MYG1: variants seen among roughly 807,000 people sequenced by gnomAD.
The protein encoded by MYG1 is UPF0160 protein MYG1, mitochondrial.
In MYG1, 36 loss-of-function variants were observed where a neutral mutation model predicts 43.5. That is an observed-to-expected ratio of 0.83 (90% CI 0.63 to 1.09). The LOEUF is 1.09. Among genes scored for constraint, MYG1 ranks in the 50% least tolerant of loss-of-function variants. The probability of loss-of-function intolerance (pLI) is 0.00; values close to 1 mark genes in which losing one functional copy is unlikely to be tolerated. For missense variants in MYG1, 529 were observed against 495.1 expected, an observed-to-expected ratio of 1.07 and a Z score of -0.65; for synonymous variants, 220 against 202.8, an observed-to-expected ratio of 1.08 and a Z score of -0.72.
Position 53,300,271 on chromosome 12 carries a change from T to C in MYG1, c.329+9T>C, listed in dbSNP as rs769116991. On this transcript the variant is annotated intron_variant, in intron 2 of 6. Transcript: ENST00000267103. ...TATGACCATCACCAGAGGTAGGTTC[T>C]CAGATACCATTTATTTAACTTCCTT... 1.3e-6 allele frequency: 2 copies of C among 1,537,572 alleles called. No homozygotes were observed. Among genetic ancestry groups the C allele is most frequent in the Non-Finnish European group, 1.8e-6 (2 of 1,137,100 alleles).
At position 53,303,054 on chromosome 12, in the gene MYG1, G is replaced by T; in HGVS notation, c.350G>T (p.Ser117Ile). 5.6e-6 allele frequency: 9 copies of T among 1,612,954 alleles called. No homozygotes were observed. Among genetic ancestry groups the T allele is most frequent in the South Asian group, 2.2e-5 (2 of 90,996 alleles). The part of the protein sequence containing the change: ...HHQRSFTETM[S>I]SLSPGKPWQT... ...CTCAGGTCTTTCACAGAGACCATGA[G>T]CTCCCTGTCCCCTGGGAAGCCGTGG... The change falls in exon 3 of 7, where the codon AGC becomes ATC. Residue 117 changes from serine (S) to isoleucine (I), a missense_variant. By Grantham distance (142) the Ser-to-Ile change is moderately radical. Transcript: ENST00000267103.
intron 6 of MYG1, 40 bp downstream of exon 6, chr12:53,306,901 G>T (rs1944289404): frequency 2.5e-6 from 4 of 1,606,900 alleles, no homozygotes; most frequent in African/African-American, 1.3e-5. Flanking sequence ...CTTCAGGCTT[G>T]TCTCAGCCTT....
chr12:53,300,360 G>T, intron 2 of MYG1, 98 bp downstream of exon 2: 1 of 897,034 alleles, frequency 1.1e-6, no homozygotes. Context: ...TCAGCGAAAA[G>T]AACTGCTTCA....
At position 53,299,726 on chromosome 12, in the gene MYG1, AG is replaced by A; in HGVS notation, c.-9del. On this transcript the variant is annotated 5_prime_UTR_variant, in exon 1 of 7. Transcript: ENST00000267103. The stretch of plus-strand genomic sequence containing the variant: ...CGGGTCGGCGCTCCTGCCTCCCTGC[AG>A]GGAGCTGCTTATGGGACACCAATTC... The A allele has an allele frequency of 6.2e-7, 1 of 1,607,756 alleles. No individual in the cohort carries two copies. Among genetic ancestry groups the A allele is most frequent in the Non-Finnish European group, 8.5e-7 (1 of 1,177,152 alleles).
In MYG1 at chr12:53,299,863, G is replaced by A. The variant is rs765274304; in HGVS notation, c.126G>A (p.Met42Ile). 1 of 1,614,226 alleles carries A rather than the reference G, an allele frequency of 6.2e-7. No homozygotes were observed. The highest frequency in any genetic ancestry group is 8.5e-7 in the Non-Finnish European group (1 of 1,180,038). Reference sequence around the variant, plus strand: ...CAAAACGATCCCGCAGCAAACTCATGGCACCGCCCCGAATCGGGACGCACA... The same window carrying A: ...CAAAACGATCCCGCAGCAAACTCATAGCACCGCCCCGAATCGGGACGCACA... ...PPPKRSRSKL[M>I]APPRIGTHNG... The change falls in exon 1 of 7, where the codon ATG becomes ATA. Residue 42 changes from methionine to isoleucine, a missense_variant. By Grantham distance (10) the Met-to-Ile change is conservative. Coordinates refer to ENST00000267103, the MANE Select transcript of MYG1 (RefSeq NM_021640.4).
At chr12:53,302,770 G>C (rs1016519043) in intron 2 of MYG1, among the ~76,000 whole-genome samples, 1 of 152,048 alleles carries the variant, frequency 6.6e-6, no homozygotes, top group Non-Finnish European at 1.5e-5. Context: ...TTTCAGAACT[G>C]ACCTGAAGGC....
chr12:53,304,377 C>T (rs914152361), intron 3 of MYG1, among the ~76,000 whole-genome samples: 2 of 151,976 alleles, frequency 1.3e-5, no homozygotes, highest in African/African-American at 4.8e-5. Context: ...CCTCCGCCTC[C>T]TGGGTTCAAG....
rs142953883 is a variant in MYG1, at chr12:53,307,069, G to A, written c.1051G>A (p.Gly351Ser). ...CGTCCATGCAAGCGGCTTCACTGGCGGTCACCACACCCGAGAGGGTGCCTT... is the reference window on the plus strand; with the variant it reads ...CGTCCATGCAAGCGGCTTCACTGGCAGTCACCACACCCGAGAGGGTGCCTT... ...IFVHASGFTG[G>S]HHTREGALSM... Residue 351 changes from glycine to serine, a missense_variant, in exon 7 of 7, where the codon GGT becomes AGT. Coordinates refer to ENST00000267103, the MANE Select transcript of MYG1 (RefSeq NM_021640.4). 6,341 of 1,614,188 alleles carry A rather than the reference G, an allele frequency of 3.9e-3. 26 individuals are homozygous for A. Among genetic ancestry groups the A allele is most frequent in the Non-Finnish European group, 4.1e-3 (4,797 of 1,180,034 alleles).
chr12:53,305,185 T>G lies in MYG1; in HGVS notation c.490-723T>G, dbSNP rs1489635514. Among the ~76,000 whole-genome samples, 3 of 152,178 alleles carry G rather than the reference T, an allele frequency of 2.0e-5. No individual in the cohort carries two copies. In the East Asian group the frequency reaches 5.8e-4, roughly 29 times the overall value. On this transcript the variant is annotated intron_variant, in intron 3 of 6. Coordinates refer to ENST00000267103, the MANE Select transcript of MYG1 (RefSeq NM_021640.4). ...GCCCGGCCTAAACCCATGTTTTAAC[T>G]GAGCATCAGGTTGGGATCCAAACCA... is the stretch of plus-strand genomic sequence containing the variant.
chr12:53,302,463 A>G lies in MYG1; in HGVS notation c.330-571A>G, dbSNP rs554622522. 1.1e-3 allele frequency among the ~76,000 whole-genome samples: 166 copies of G among 152,298 alleles called. 4 individuals carry two copies. The highest frequency in any genetic ancestry group is 3.7e-3 in the African/African-American group (153 of 41,568). Reference sequence around the variant, plus strand: ...CTTGCCTTCTTTATTCACCTGAACCATTGCAGGTAATCTCCTTGCATCTGT... The same window carrying G: ...CTTGCCTTCTTTATTCACCTGAACCGTTGCAGGTAATCTCCTTGCATCTGT... On this transcript the variant is annotated intron_variant, in intron 2 of 6. Transcript: ENST00000267103.
rs761624531 is a variant in MYG1, at chr12:53,306,010, C to T, written c.592C>T (p.Arg198Ter). 8.7e-6 allele frequency: 14 copies of T among 1,613,950 alleles called. No individual in the cohort carries two copies. Among genetic ancestry groups the T allele is most frequent in the African/African-American group, 4.0e-5 (3 of 74,914 alleles). ...RYALTTTLSA[R>*]VARLNPTWNH... is the part of the protein sequence containing the mutation. Reference sequence around the variant, plus strand: ...TGCACTGACCACTACCCTGAGTGCACGAGTTGCTCGACTTAATCCTACCTG... The same window carrying T: ...TGCACTGACCACTACCCTGAGTGCATGAGTTGCTCGACTTAATCCTACCTG... The change falls in exon 4 of 7, where the codon CGA becomes TGA. Residue 198 changes from arginine to a stop codon, truncating the protein, a stop_gained. Transcript: ENST00000267103. LOFTEE classifies it high-confidence loss of function.
intron 3 of MYG1, 199 bp downstream of exon 3, chr12:53,303,392 T>G: frequency 1.8e-6 from 1 of 567,036 alleles, no homozygotes; most frequent in Non-Finnish European, 3.0e-6. Context: ...CTGGGGTGGT[T>G]GTGAGAAGTG....
chr12:53,304,620 G>C (rs573219662), intron 3 of MYG1, among the ~76,000 whole-genome samples: 2 of 151,778 alleles, frequency 1.3e-5, no homozygotes, highest in East Asian at 3.9e-4. Context: ...TTTTTTTTGA[G>C]AGACTGTTGC....
Position 53,303,085 on chromosome 12 carries a change from C to T in MYG1, c.381C>T (p.Thr127=). The T allele has an allele frequency of 6.2e-7, 1 of 1,613,924 alleles. No homozygotes were observed. Among genetic ancestry groups the T allele is most frequent in the Middle Eastern group, 1.7e-4 (1 of 6,052 alleles). Residue 127 remains threonine (T), a synonymous_variant, in exon 3 of 7, where the codon ACC becomes ACT. Transcript: ENST00000267103. ...SSLSPGKPWQ[T]KLSSAGLIYL... ...TGTCCCCTGGGAAGCCGTGGCAGACCAAGCTGAGCAGTGCGGGACTCATCT... is the reference window on the plus strand; with the variant it reads ...TGTCCCCTGGGAAGCCGTGGCAGACTAAGCTGAGCAGTGCGGGACTCATCT...
intron 3 of MYG1, 39 bp from the exon 4 acceptor site, chr12:53,305,869 C>G: frequency 6.5e-7 from 1 of 1,548,552 alleles, no homozygotes. Flanking sequence ...ACATAAGTAG[C>G]AGGTAGCCTC....
At chr12:53,304,044 C>T (rs769212461) in intron 3 of MYG1, among the ~76,000 whole-genome samples, 29 of 152,096 alleles carry the variant, frequency 1.9e-4, no homozygotes, top group Non-Finnish European at 3.1e-4. Flanking sequence ...GGGGTTTCAC[C>T]GTGTTAGCCA....
At position 53,299,964 on chromosome 12, in the gene MYG1, C is replaced by T. The variant is rs1944212635; in HGVS notation, c.216+11C>T. 1 of 1,613,996 alleles carries T rather than the reference C, an allele frequency of 6.2e-7. No individual in the cohort carries two copies. The highest frequency in any genetic ancestry group is 2.2e-5 in the East Asian group (1 of 44,880). On this transcript the variant is annotated intron_variant, in intron 1 of 6. Transcript: ENST00000267103. ...CTGCCGGAGTACCGGGTACGGTCCG[C>T]GAAAAGTGACCCTGGGACTGCGTGC...
chr12:53,299,819 C>A lies in MYG1; in HGVS notation c.82C>A (p.Pro28Thr). 1 of 1,614,162 alleles carries A rather than the reference C, an allele frequency of 6.2e-7. No homozygotes were observed. The highest frequency in any genetic ancestry group is 8.5e-7 in the Non-Finnish European group (1 of 1,180,022). The change falls in exon 1 of 7, where the codon CCA (proline) becomes ACA (threonine). Residue 28 changes from proline to threonine, a missense_variant. Pro to Thr is a conservative substitution (Grantham distance 38). Coordinates refer to ENST00000267103, the MANE Select transcript of MYG1 (RefSeq NM_021640.4). ...PLYTRHRMLGPESVPPPKRSR... is the reference protein window; with the variant it reads ...PLYTRHRMLGTESVPPPKRSR... The stretch of plus-strand genomic sequence containing the variant: ...GTATACCCGGCACCGCATGCTCGGT[C>A]CAGAGTCCGTCCCGCCCCCAAAACG...
rs201034300 is a variant in MYG1 at position 53,306,717 on chromosome 12, G to A, written c.803G>A (p.Gly268Asp). ...GGAGAGATTGTGGAACTGGCGAAAG[G>A]TGCATGTCCCTGGAAGGAGCATCTC... ...PSGEIVELAK[G>D]ACPWKEHLYH... is the part of the protein sequence containing the mutation. Residue 268 changes from glycine to aspartate, a missense_variant, in exon 6 of 7, where the codon GGT (glycine) becomes GAT (aspartate). Physicochemically the swap from Gly to Asp is moderately conservative, Grantham distance 94. Coordinates refer to ENST00000267103, the MANE Select transcript of MYG1 (RefSeq NM_021640.4). The A allele has an allele frequency of 1.1e-4, 170 of 1,614,050 alleles. No homozygotes were observed. The highest frequency in any genetic ancestry group is 1.4e-4 in the Non-Finnish European group (165 of 1,180,014).
Sources: allele counts gnomAD v4.1 joint callset (sites outside exome capture counted in the v4.1 genomes callset), GRCh38; gene constraint gnomAD v4.1.1; transcripts MANE v1.5; gene names NCBI Gene and HGNC (gene_info 2026-07-23, HGNC 2026-07-21).